RALGAPA1: variants seen among roughly 807,000 people sequenced by gnomAD.
RALGAPA1 encodes the protein Ral GTPase activating protein catalytic subunit alpha 1.
RALGAPA1 carries 52 observed loss-of-function variants against 269.6 expected under a neutral mutation model. That is an observed-to-expected ratio of 0.19 (90% CI 0.15 to 0.24). The LOEUF (loss-of-function observed/expected upper bound fraction) is 0.24, where lower values mean the gene tolerates loss of function less well. RALGAPA1 is among the 10% of genes least tolerant of loss of function. The probability of loss-of-function intolerance (pLI) is 1.00; values close to 1 mark genes in which losing one functional copy is unlikely to be tolerated. For missense variants in RALGAPA1, 1,917 were observed against 3,013.9 expected (o/e 0.64, Z 8.52); for synonymous variants, 817 against 1,008.3 (o/e 0.81, Z 3.60).
chr14:35,726,568 G>A (rs903139118), intron 13 of RALGAPA1, among the ~76,000 whole-genome samples: 21 of 151,982 alleles, frequency 1.4e-4, no homozygotes, highest in African/African-American at 4.8e-5. Context: ...CAGGTGGATC[G>A]CTTCAGCCCA....
At chr14:35,605,522 A>G (rs2059545318) in intron 36 of RALGAPA1, 64 bp downstream of exon 36, 2 of 1,467,536 alleles carry the variant, frequency 1.4e-6, no homozygotes, top group Non-Finnish European at 9.1e-7. Context: ...ATAAGCTAGG[A>G]AAAAAAAGAA....
At chr14:35,808,669 C>T in intron 1 of RALGAPA1, 61 bp downstream of exon 1, 1 of 1,539,982 alleles carries the variant, frequency 6.5e-7, no homozygotes. Flanking sequence ...TCCGCAGGGG[C>T]TCCCAGGAGA....
At chr14:35,686,259 A>C (rs920345231) in intron 19 of RALGAPA1, among the ~76,000 whole-genome samples, 2 of 151,910 alleles carry the variant, frequency 1.3e-5, no homozygotes, top group African/African-American at 4.8e-5. Context: ...AGACAAAAAA[A>C]GGGGAGACTA....
intron 31 of RALGAPA1, among the ~76,000 whole-genome samples, chr14:35,637,921 A>C (rs1045396040): frequency 7.9e-5 from 12 of 152,212 alleles, no homozygotes; most frequent in African/African-American, 2.9e-4. Flanking sequence ...TGACATATTT[A>C]AAGTGCTAAA....
chr14:35,759,705 T>A (rs546768208), intron 6 of RALGAPA1, among the ~76,000 whole-genome samples: 1 of 149,414 alleles, frequency 6.7e-6, no homozygotes, highest in South Asian at 2.1e-4. Context: ...AGGTCAGGAG[T>A]TCGAGACCAG....
intron 22 of RALGAPA1, among the ~76,000 whole-genome samples, chr14:35,675,618 G>GT (rs1262027878): frequency 1.3e-5 from 2 of 151,996 alleles, no homozygotes; most frequent in Non-Finnish European, 2.9e-5. Flanking sequence ...TGTTATAAAA[G>GT]TTATTTAATA....
Position 35,627,464 on chromosome 14 carries a change from A to G in RALGAPA1, c.6483T>C (p.Asp2161=), listed in dbSNP as rs1451347333. The G allele has an allele frequency of 1.5e-5, 25 of 1,613,498 alleles. No homozygotes were observed. Among genetic ancestry groups the G allele is most frequent in the Non-Finnish European group, 2.1e-5 (25 of 1,179,904 alleles). The change falls in exon 34 of 42, where the codon GAT becomes GAC. Residue 2161 remains aspartate, a synonymous_variant. Coordinates refer to ENST00000680220, the MANE Select transcript of RALGAPA1 (RefSeq NM_001346249.2). The part of the protein sequence containing the change: ...NECLEDITVK[D]GLSLQFKRFR... ...ATCTTTTAAACTGGAGAGAAAGTCC[A>G]TCTTTTACGGTTATATCTTCTAAGC...
At chr14:35,541,282 T>C (rs1316878637) in intron 41 of RALGAPA1, among the ~76,000 whole-genome samples, 2 of 152,038 alleles carry the variant, frequency 1.3e-5, no homozygotes, top group Non-Finnish European at 2.9e-5. Flanking sequence ...CCTGATCTCA[T>C]GATCCACCCT....
chr14:35,656,608 C>A (rs1366215709), intron 28 of RALGAPA1, among the ~76,000 whole-genome samples: 1 of 152,104 alleles, frequency 6.6e-6, no homozygotes. Flanking sequence ...AAACAGTCAC[C>A]TTCTTCTAGT....
intron 27 of RALGAPA1, among the ~76,000 whole-genome samples, chr14:35,661,364 G>T (rs1168686983): frequency 6.6e-6 from 1 of 152,090 alleles, no homozygotes; most frequent in Non-Finnish European, 1.5e-5. Context: ...TTATGTAAAT[G>T]AATAAAATAT....
intron 37 of RALGAPA1, among the ~76,000 whole-genome samples, chr14:35,574,579 GAT>G (rs1427336596): frequency 6.6e-6 from 1 of 152,056 alleles, no homozygotes; most frequent in African/African-American, 2.4e-5. Flanking sequence ...GTCATAATGA[GAT>G]ATGACATTAT....
At chr14:35,797,351 CAAAAA>C (rs530576211) in intron 1 of RALGAPA1, among the ~76,000 whole-genome samples, 1 of 60,134 alleles carries the variant, frequency 1.7e-5, no homozygotes. Context: ...GACTCCGTCT[CAAAAA>C]AAAAAAAAAA....
At chr14:35,562,839 G>A (rs1486651427) in intron 39 of RALGAPA1, among the ~76,000 whole-genome samples, 1 of 151,424 alleles carries the variant, frequency 6.6e-6, no homozygotes, top group Non-Finnish European at 1.5e-5. Flanking sequence ...GGCTAACACG[G>A]TGAAACCCCA....
At chr14:35,554,338 CTTTTTTTTTT>C (rs869302363) in intron 39 of RALGAPA1, among the ~76,000 whole-genome samples, 4 of 85,764 alleles carry the variant, frequency 4.7e-5, no homozygotes, top group South Asian at 4.9e-4. Context: ...AATACACTTT[CTTTTTTTTTT>C]TTTTTTTTTT....
At chr14:35,798,906 G>T (rs1482957671) in intron 1 of RALGAPA1, among the ~76,000 whole-genome samples, 7 of 150,322 alleles carry the variant, frequency 4.7e-5, no homozygotes, top group Non-Finnish European at 1.0e-4. Context: ...TGAGGCAAAA[G>T]AATCGCTTGA....
intron 17 of RALGAPA1, among the ~76,000 whole-genome samples, chr14:35,693,877 T>C (rs780559629): frequency 1.5e-4 from 23 of 152,084 alleles, no homozygotes; most frequent in Non-Finnish European, 2.4e-4. Context: ...GGAAATATTT[T>C]GTTCAAAAAG....
intron 35 of RALGAPA1, among the ~76,000 whole-genome samples, chr14:35,617,665 T>G: frequency 1.4e-5 from 2 of 142,616 alleles, no homozygotes; most frequent in African/African-American, 5.2e-5. Context: ...GGGGGTGAAT[T>G]TACAGCCTAA....
chr14:35,568,545 G>C (rs938178797), intron 39 of RALGAPA1, among the ~76,000 whole-genome samples: 23 of 152,250 alleles, frequency 1.5e-4, no homozygotes, highest in African/African-American at 5.3e-4. Context: ...CCTAAAAAAG[G>C]CACATGGTAT....
intron 22 of RALGAPA1, among the ~76,000 whole-genome samples, chr14:35,675,803 T>C (rs1164785950): frequency 6.6e-6 from 1 of 152,216 alleles, no homozygotes; most frequent in Non-Finnish European, 1.5e-5. Flanking sequence ...TAAAGAACTT[T>C]GGGAACTAAA....
Sources: gnomAD v4.1 joint callset for allele counts (sites outside exome capture counted in the v4.1 genomes callset) on GRCh38, gnomAD v4.1.1 for gene constraint, MANE v1.5 for transcripts, NCBI Gene and HGNC (gene_info 2026-07-23, HGNC 2026-07-21) for gene names.